Variants in SCRN3 observed in about 807,000 individuals in gnomAD.
The protein encoded by SCRN3 is secernin-3.
Under a neutral mutation model 43.1 loss-of-function variants are expected in SCRN3, and 39 were observed. The ratio of observed to expected loss-of-function variants is 0.91; its 90% CI spans 0.70 to 1.18. SCRN3 has a LOEUF of 1.18. Ranked by LOEUF, SCRN3 falls within the 50% of genes most tolerant of loss-of-function variation. SCRN3 has a pLI of 0.00. For missense variants in SCRN3, 484 were observed against 498.0 expected, an observed-to-expected ratio of 0.97 and a Z score of 0.27; for synonymous variants, 147 against 163.1, an observed-to-expected ratio of 0.90 and a Z score of 0.75.
At chr2:174,427,621 A>G (rs1686532155) in intron 7 of SCRN3, 92 bp from the exon 8 acceptor site, 2 of 641,248 alleles carry the variant, frequency 3.1e-6, no homozygotes, top group Non-Finnish European at 4.8e-6. Context: ...AGAAGCCAGC[A>G]TGAACAAACC....
At chr2:174,412,108 G>A (rs1052428836) in intron 5 of SCRN3, among the ~76,000 whole-genome samples, 13 of 149,416 alleles carry the variant, frequency 8.7e-5, no homozygotes, top group Admixed American at 6.7e-5. Flanking sequence ...AAAGTAAAAC[G>A]GAGCAGTTAG....
At chr2:174,427,675 A>G in intron 7 of SCRN3, 38 bp from the exon 8 acceptor site, 1 of 1,326,494 alleles carries the variant, frequency 7.5e-7, no homozygotes, top group Non-Finnish European at 1.0e-6. Context: ...TTATGTGTAT[A>G]TGTATATGTG....
At chr2:174,397,730 G>A (rs1016544341) in intron 1 of SCRN3, among the ~76,000 whole-genome samples, 5 of 152,094 alleles carry the variant, frequency 3.3e-5, no homozygotes, top group African/African-American at 7.2e-5. Context: ...ATATATACAC[G>A]AATGTAATGG....
In SCRN3 at chr2:174,422,977, G is replaced by A. The variant is rs1470530244; in HGVS notation, c.847G>A (p.Val283Ile). Residue 283 changes from valine to isoleucine, a missense_variant, in exon 6 of 8, where the codon GTT becomes ATT. Val to Ile is a conservative substitution (Grantham distance 29, BLOSUM62 3). Coordinates refer to ENST00000272732, the MANE Select transcript of SCRN3 (RefSeq NM_024583.5). Reference sequence around the variant, plus strand: ...AGAATTCCTGACCACTGCAAGCATGGTTTCTATTTTACCTCAAGACTCCAG... The same window carrying A: ...AGAATTCCTGACCACTGCAAGCATGATTTCTATTTTACCTCAAGACTCCAG... Reference protein sequence around the residue: ...EGEFLTTASMVSILPQDSSLP... With the variant: ...EGEFLTTASMISILPQDSSLP... 6.2e-7 allele frequency: 1 copy of A among 1,613,812 alleles called. No homozygotes were observed. Among genetic ancestry groups the A allele is most frequent in the South Asian group, 1.1e-5 (1 of 91,064 alleles).
intron 7 of SCRN3, among the ~76,000 whole-genome samples, chr2:174,425,972 G>A (rs1289707101): frequency 6.6e-6 from 1 of 151,880 alleles, no homozygotes; most frequent in Non-Finnish European, 1.5e-5. Flanking sequence ...TTTTCCCTTA[G>A]GCTATTTTTC....
intron 5 of SCRN3, among the ~76,000 whole-genome samples, chr2:174,418,713 G>A (rs1447902559): frequency 1.3e-5 from 2 of 152,100 alleles, no homozygotes; most frequent in Non-Finnish European, 2.9e-5. Context: ...GCCATTTATA[G>A]GAATTTGGAT....
At chr2:174,421,409 TA>T (rs1686288993) in intron 5 of SCRN3, among the ~76,000 whole-genome samples, 1 of 152,194 alleles carries the variant, frequency 6.6e-6, no homozygotes, top group Non-Finnish European at 1.5e-5. Context: ...AATAACTTTC[TA>T]ACCAATGGCC....
intron 5 of SCRN3, among the ~76,000 whole-genome samples, chr2:174,417,680 G>A (rs1053321985): frequency 3.9e-5 from 6 of 152,078 alleles, no homozygotes; most frequent in Non-Finnish European, 5.9e-5. Context: ...GGCGTCAGCC[G>A]CCGCACCTGG....
At chr2:174,401,217 T>C (rs751956068) in intron 4 of SCRN3, 28 bp downstream of exon 4, 8 of 1,569,514 alleles carry the variant, frequency 5.1e-6, no homozygotes, top group Admixed American at 3.4e-5. Context: ...TGATTTAACT[T>C]GTTTTTGCAA....
At position 174,404,095 on chromosome 2, in the gene SCRN3, G is replaced by A. The variant is rs1559072881; in HGVS notation, c.542-8G>A. The A allele has an allele frequency of 6.2e-7, 1 of 1,606,370 alleles. No homozygotes were observed. The highest frequency in any genetic ancestry group is 1.7e-5 in the Admixed American group (1 of 59,788). ...CTTCTCCTTTCTCCTCTTCTTCTTT[G>A]AAAATAGAGGGAGTTCGTAATATTT... On this transcript the variant is annotated splice_region_variant and splice_polypyrimidine_tract_variant and intron_variant, in intron 4 of 7. Transcript: ENST00000272732.
intron 5 of SCRN3, among the ~76,000 whole-genome samples, chr2:174,411,920 CAA>C (rs150899860): frequency 6.6e-6 from 1 of 150,542 alleles, no homozygotes; most frequent in Non-Finnish European, 1.5e-5. Context: ...GGCTCTGTCT[CAA>C]AAAAAATTTT....
At chr2:174,396,041 A>G (rs1685293764) in intron 1 of SCRN3, 3 of 1,299,552 alleles carry the variant, frequency 2.3e-6, no homozygotes, top group Admixed American at 3.8e-5. Flanking sequence ...TCGAGCTGCA[A>G]AAGCTTTTCT....
At chr2:174,429,798 C>G (rs1240396124), downstream of SCRN3, among the ~76,000 whole-genome samples, 1 of 152,186 alleles carries the variant, frequency 6.6e-6, no homozygotes, top group Non-Finnish European at 1.5e-5. Flanking sequence ...TCCCTCCAAC[C>G]CCTGGCAACC....
chr2:174,417,014 TA>T (rs1686134593), intron 5 of SCRN3, among the ~76,000 whole-genome samples: 2 of 152,358 alleles, frequency 1.3e-5, no homozygotes, highest in South Asian at 4.1e-4. Context: ...AAGTTTTCTG[TA>T]AAGTTTCTTA....
chr2:174,406,711 G>T (rs1685708122), intron 5 of SCRN3, among the ~76,000 whole-genome samples: 1 of 138,560 alleles, frequency 7.2e-6, no homozygotes, highest in South Asian at 2.2e-4. Flanking sequence ...CCTCTATTGA[G>T]ATAATCATGT....
At position 174,423,012 on chromosome 2, in the gene SCRN3, C is replaced by T; in HGVS notation, c.882C>T (p.Cys294=). Reference sequence around the variant, plus strand: ...TACCTCAAGACTCCAGCCTTCCTTGCATTCACTTCTTTACAGGGACTCCTG... The same window carrying T: ...TACCTCAAGACTCCAGCCTTCCTTGTATTCACTTCTTTACAGGGACTCCTG... The part of the protein sequence containing the change: ...SILPQDSSLP[C]IHFFTGTPDP... The change falls in exon 6 of 8, where the codon TGC becomes TGT. Residue 294 remains cysteine (C), a synonymous_variant. Coordinates refer to ENST00000272732, the MANE Select transcript of SCRN3 (RefSeq NM_024583.5). 6.2e-7 allele frequency: 1 copy of T among 1,613,606 alleles called. No homozygotes were observed. Among genetic ancestry groups the T allele is most frequent in the Non-Finnish European group, 8.5e-7 (1 of 1,179,682 alleles).
chr2:174,416,984 A>G (rs1686132981), intron 5 of SCRN3, among the ~76,000 whole-genome samples: 1 of 152,362 alleles, frequency 6.6e-6, no homozygotes, highest in Non-Finnish European at 1.5e-5. Context: ...AATTTCCAAA[A>G]GAACATGTTA....
chr2:174,423,094 G>A, intron 6 of SCRN3, 47 bp downstream of exon 6: 2 of 1,475,556 alleles, frequency 1.4e-6, no homozygotes, highest in East Asian at 4.6e-5. Flanking sequence ...AGGGGATGGA[G>A]TAGAGTCATT....
intron 5 of SCRN3, among the ~76,000 whole-genome samples, chr2:174,410,702 A>C (rs1251360201): frequency 1.3e-5 from 2 of 152,140 alleles, no homozygotes; most frequent in Non-Finnish European, 2.9e-5. Flanking sequence ...ATTTTTGGGT[A>C]GTACTCTTAT....
Sources: allele counts gnomAD v4.1 joint callset (sites outside exome capture counted in the v4.1 genomes callset), GRCh38; gene constraint gnomAD v4.1.1; transcripts MANE v1.5; gene names NCBI Gene and HGNC (gene_info 2026-07-23, HGNC 2026-07-21).